VAV3: variants seen among roughly 807,000 people sequenced by gnomAD.
VAV3 encodes guanine nucleotide exchange factor VAV3.
A neutral mutation model predicts 131.2 loss-of-function variants in VAV3; 94 were observed. That is an observed-to-expected ratio of 0.72 (90% CI 0.61 to 0.85). The LOEUF is 0.85. Ranked by LOEUF, VAV3 falls within the 40% of genes least tolerant of loss-of-function variation. The pLI, the probability that VAV3 is intolerant of heterozygous loss-of-function variation, is 0.00. For missense variants in VAV3, 939 were observed against 1,002.7 expected (o/e 0.94, Z 0.86); for synonymous variants, 349 against 342.0 (o/e 1.02, Z -0.22).
intron 17 of VAV3, among the ~76,000 whole-genome samples, chr1:107,693,741 T>C (rs1405282449): frequency 6.6e-6 from 1 of 152,170 alleles, no homozygotes; most frequent in Non-Finnish European, 1.5e-5. Flanking sequence ...TCCTCTGAAC[T>C]TGGTACTAAG....
chr1:107,922,944 T>C (rs111756353), intron 1 of VAV3, among the ~76,000 whole-genome samples: 41 of 128,144 alleles, frequency 3.2e-4, no homozygotes, highest in African/African-American at 1.1e-3. Context: ...AGAGCGAGAC[T>C]CCGTCTCAAA....
chr1:107,664,886 AT>A (rs1557744796), intron 19 of VAV3, among the ~76,000 whole-genome samples: 2 of 152,246 alleles, frequency 1.3e-5, no homozygotes, highest in Admixed American at 1.3e-4. Context: ...AAGTCAAGTC[AT>A]TTTGTTCAGA....
At chr1:107,587,598 T>C (rs1198291981) in intron 25 of VAV3, among the ~76,000 whole-genome samples, 2 of 152,204 alleles carry the variant, frequency 1.3e-5, no homozygotes, top group African/African-American at 2.4e-5. Context: ...TCTATGTATG[T>C]AGTTATTTTT....
chr1:107,755,792 C>T (rs182292401), intron 11 of VAV3, among the ~76,000 whole-genome samples: 24 of 152,114 alleles, frequency 1.6e-4, no homozygotes, highest in African/African-American at 5.5e-4. Context: ...AAATATACCA[C>T]AATAGAGCAA....
chr1:107,881,265 CAGG>C (rs958285844), intron 1 of VAV3, among the ~76,000 whole-genome samples: 1 of 152,076 alleles, frequency 6.6e-6, no homozygotes, highest in African/African-American at 2.4e-5. Flanking sequence ...GGAAGAACTC[CAGG>C]AGATTACATG....
In VAV3 at chr1:107,751,187, G is replaced by C; in HGVS notation, c.1189C>G (p.Leu397Val). ...SIENLNQPVL[L>V]FGRPQGDGEI... is the part of the protein sequence containing the mutation. ...CCATCTCCCTGAGGTCGTCCAAAAA[G>C]CAAAACTGGTTGGTTCTAAAATATA... Residue 397 changes from leucine (L) to valine (V), a missense_variant, in exon 13 of 27, where the codon CTT becomes GTT. Coordinates refer to ENST00000370056, the MANE Select transcript of VAV3 (RefSeq NM_006113.5). The C allele has an allele frequency of 6.2e-7, 1 of 1,612,310 alleles. No individual in the cohort carries two copies. Among genetic ancestry groups the C allele is most frequent in the Non-Finnish European group, 8.5e-7 (1 of 1,179,362 alleles).
At chr1:107,800,219 A>C (rs1666762188) in intron 2 of VAV3, among the ~76,000 whole-genome samples, 1 of 152,172 alleles carries the variant, frequency 6.6e-6, no homozygotes, top group African/African-American at 2.4e-5. Flanking sequence ...TCAGTAATAT[A>C]AGTGCTAGGT....
chr1:107,671,975 A>C (rs549492980), intron 19 of VAV3, among the ~76,000 whole-genome samples: 1 of 152,350 alleles, frequency 6.6e-6, no homozygotes, highest in South Asian at 2.1e-4. Flanking sequence ...ATAACAAAAA[A>C]GATAAATTTA....
At chr1:107,636,436 G>A (rs1257809149) in intron 20 of VAV3, among the ~76,000 whole-genome samples, 1 of 152,140 alleles carries the variant, frequency 6.6e-6, no homozygotes, top group Non-Finnish European at 1.5e-5. Flanking sequence ...TTATAATGGG[G>A]TTATGCCCTG....
At chr1:107,705,656 TACAA>T (rs1660402098) in intron 15 of VAV3, among the ~76,000 whole-genome samples, 1 of 152,202 alleles carries the variant, frequency 6.6e-6, no homozygotes, top group Non-Finnish European at 1.5e-5. Flanking sequence ...ATATTATACA[TACAA>T]AAGTTATTTT....
At position 107,725,044 on chromosome 1, in the gene VAV3, T is replaced by C. The variant is rs746325759; in HGVS notation, c.1503-19983A>G. ...AGGGAGACAGTTATAGAGATGACCA[T>C]AGCAATCTAGGTAGAAGACCCTGAA... On this transcript the variant is annotated intron_variant, in intron 15 of 26. Transcript: ENST00000370056. Among the ~76,000 whole-genome samples, 48 of 152,064 alleles carry C rather than the reference T, an allele frequency of 3.2e-4. 1 individual carries two copies. The highest frequency in any genetic ancestry group is 1.5e-4 in the Non-Finnish European group (10 of 68,026).
chr1:107,745,514 A>C (rs1166516746), intron 15 of VAV3, among the ~76,000 whole-genome samples: 1 of 152,140 alleles, frequency 6.6e-6, no homozygotes, highest in Admixed American at 6.5e-5. Context: ...AAATGCTGGA[A>C]GTGGTTATGG....
At chr1:107,929,572 T>C (rs1047346143) in intron 1 of VAV3, among the ~76,000 whole-genome samples, 2 of 152,126 alleles carry the variant, frequency 1.3e-5, no homozygotes, top group Non-Finnish European at 2.9e-5. Context: ...TAAACTCCCC[T>C]AAGTAGAAAG....
At position 107,724,871 on chromosome 1, in the gene VAV3, T is replaced by C. The variant is rs190074138; in HGVS notation, c.1503-19810A>G. Among the ~76,000 whole-genome samples the C allele has an allele frequency of 4.2e-4, 38 of 91,428 alleles. 1 individual carries two copies. The East Asian group carries it at 0.011, about 27-fold the overall frequency. 60.0% of individuals were successfully genotyped at this position (91,428 alleles called of 152,430 possible). Reference sequence around the variant, plus strand: ...AGGCTAGAGCTGAGCACAGGCCAGATAGTAAATGCCATTTGTGCATATACT... The same window carrying C: ...AGGCTAGAGCTGAGCACAGGCCAGACAGTAAATGCCATTTGTGCATATACT... On this transcript the variant is annotated intron_variant, in intron 15 of 26. Transcript: ENST00000370056.
intron 18 of VAV3, among the ~76,000 whole-genome samples, chr1:107,688,110 C>T (rs1480730094): frequency 2.0e-5 from 3 of 152,196 alleles, no homozygotes; most frequent in Non-Finnish European, 4.4e-5. Flanking sequence ...GGCCACCCTT[C>T]CCTCTGTACT....
At chr1:107,674,085 G>A (rs1658018701) in intron 19 of VAV3, among the ~76,000 whole-genome samples, 1 of 152,104 alleles carries the variant, frequency 6.6e-6, no homozygotes, top group Admixed American at 6.5e-5. Flanking sequence ...ATAATCTGAA[G>A]GTAGTTTTTC....
At chr1:107,945,688 G>C (rs1674220784) in intron 1 of VAV3, among the ~76,000 whole-genome samples, 1 of 151,976 alleles carries the variant, frequency 6.6e-6, no homozygotes, top group African/African-American at 2.4e-5. Flanking sequence ...CAGGCGTGGT[G>C]GCGGGCACCT....
chr1:107,596,338 G>A lies in VAV3; in HGVS notation c.2224C>T (p.Leu742Phe), dbSNP rs1408463816. ...GAATGATGCTTGTAGTACTCCACAA[G>A]TTCCTTTGGAAAAAAGAATCCAACA... The part of the protein sequence containing the change: ...ENRKFKSLME[L>F]VEYYKHHSLK... Residue 742 changes from leucine to phenylalanine, a missense_variant, in exon 25 of 27, where the codon CTT becomes TTT. Coordinates refer to ENST00000370056, the MANE Select transcript of VAV3 (RefSeq NM_006113.5). The A allele has an allele frequency of 6.2e-7, 1 of 1,610,624 alleles. No individual in the cohort carries two copies. Among genetic ancestry groups the A allele is most frequent in the South Asian group, 1.1e-5 (1 of 90,272 alleles).
intron 5 of VAV3, 138 bp downstream of exon 5, chr1:107,772,597 G>GT: frequency 1.5e-6 from 1 of 653,666 alleles, no homozygotes; most frequent in Non-Finnish European, 2.5e-6. Context: ...TCCAAATGCA[G>GT]TAACAAGTCA....
Sources: allele counts gnomAD v4.1 joint callset (sites outside exome capture counted in the v4.1 genomes callset), GRCh38; gene constraint gnomAD v4.1.1; transcripts MANE v1.5; gene names NCBI Gene and HGNC (gene_info 2026-07-23, HGNC 2026-07-21).